Variants in TMEM163 observed in about 807,000 individuals in gnomAD.
The protein encoded by TMEM163 is transmembrane protein 163.
Under a neutral mutation model 29.3 loss-of-function variants are expected in TMEM163, and 17 were observed. That is an observed-to-expected ratio of 0.58 (90% CI 0.40 to 0.87). TMEM163 has a LOEUF of 0.87. TMEM163 is among the 40% of genes least tolerant of loss of function. The probability of loss-of-function intolerance (pLI) is 0.00; values close to 1 mark genes in which losing one functional copy is unlikely to be tolerated. For missense variants in TMEM163, 303 were observed against 381.5 expected (o/e 0.79, Z 1.71); for synonymous variants, 157 against 160.6 (o/e 0.98, Z 0.17).
intron 2 of TMEM163, among the ~76,000 whole-genome samples, chr2:134,599,992 C>A (rs1337953561): frequency 2.0e-5 from 3 of 152,080 alleles, no homozygotes; most frequent in African/African-American, 7.2e-5. Flanking sequence ...GAAAGTGTTA[C>A]CTAATCAATT....
At chr2:134,633,953 C>CAA (rs1381510445) in intron 2 of TMEM163, among the ~76,000 whole-genome samples, 25 of 97,334 alleles carry the variant, frequency 2.6e-4, no homozygotes, top group African/African-American at 8.4e-4. Flanking sequence ...GAAACTGTCT[C>CAA]AAAAAAAAAA....
intron 2 of TMEM163, among the ~76,000 whole-genome samples, chr2:134,697,044 G>C (rs1684598282): frequency 1.3e-5 from 2 of 152,204 alleles, no homozygotes; most frequent in Non-Finnish European, 2.9e-5. Flanking sequence ...CCAAAGTTCT[G>C]GGATTACAGG....
intron 4 of TMEM163, among the ~76,000 whole-genome samples, chr2:134,538,664 G>A (rs944335758): frequency 1.3e-5 from 2 of 152,202 alleles, no homozygotes; most frequent in African/African-American, 2.4e-5. Context: ...GCCACAGTGA[G>A]GGTGAAGCTG....
intron 4 of TMEM163, among the ~76,000 whole-genome samples, chr2:134,529,833 A>C (rs1257094611): frequency 6.6e-6 from 1 of 152,056 alleles, no homozygotes; most frequent in East Asian, 1.9e-4. Context: ...AATGTTATTT[A>C]GACTATATGT....
intron 2 of TMEM163, among the ~76,000 whole-genome samples, chr2:134,704,434 C>T (rs1684763556): frequency 6.6e-6 from 1 of 152,134 alleles, no homozygotes; most frequent in South Asian, 2.1e-4. Context: ...CTGGTCTGGT[C>T]CCCATGCTTC....
intron 4 of TMEM163, among the ~76,000 whole-genome samples, chr2:134,533,448 T>C (rs931078797): frequency 2.6e-5 from 4 of 152,230 alleles, no homozygotes; most frequent in Non-Finnish European, 5.9e-5. Context: ...ACCAAACTGT[T>C]CACTGTGATG....
chr2:134,511,536 C>A (rs1219956255), intron 4 of TMEM163, among the ~76,000 whole-genome samples: 1 of 152,128 alleles, frequency 6.6e-6, no homozygotes, highest in African/African-American at 2.4e-5. Flanking sequence ...GCGGGGAGAC[C>A]AGGAGAAGGC....
intron 4 of TMEM163, among the ~76,000 whole-genome samples, chr2:134,541,326 A>G (rs991511954): frequency 1.3e-5 from 2 of 152,274 alleles, no homozygotes; most frequent in African/African-American, 2.4e-5. Context: ...TGATAAAAAG[A>G]ATTATAACTC....
intron 2 of TMEM163, among the ~76,000 whole-genome samples, chr2:134,681,622 C>T (rs1000432245): frequency 2.6e-5 from 4 of 152,200 alleles, no homozygotes; most frequent in African/African-American, 9.6e-5. Flanking sequence ...ATAAGTCACA[C>T]AGGTTATCAT....
chr2:134,659,028 G>C (rs1683685459), intron 2 of TMEM163, among the ~76,000 whole-genome samples: 1 of 152,202 alleles, frequency 6.6e-6, no homozygotes, highest in African/African-American at 2.4e-5. Flanking sequence ...ACATCGCCGA[G>C]TGTACTTACA....
intron 2 of TMEM163, among the ~76,000 whole-genome samples, chr2:134,675,037 CT>C (rs1684085905): frequency 6.6e-6 from 1 of 152,186 alleles, no homozygotes; most frequent in Non-Finnish European, 1.5e-5. Flanking sequence ...GAGTAAATAT[CT>C]TTTTCATTTA....
intron 5 of TMEM163, among the ~76,000 whole-genome samples, chr2:134,502,272 A>G (rs1377883355): frequency 1.3e-5 from 2 of 152,164 alleles, no homozygotes; most frequent in Non-Finnish European, 2.9e-5. Flanking sequence ...ATCTCCTGGT[A>G]ACCACATCAG....
At chr2:134,684,342 G>A (rs1684309554) in intron 2 of TMEM163, among the ~76,000 whole-genome samples, 1 of 152,026 alleles carries the variant, frequency 6.6e-6, no homozygotes, top group Non-Finnish European at 1.5e-5. Flanking sequence ...ACCACCTACA[G>A]GCAAAATGAG....
intron 2 of TMEM163, among the ~76,000 whole-genome samples, chr2:134,700,424 G>T (rs903598623): frequency 3.3e-5 from 5 of 152,178 alleles, no homozygotes; most frequent in Admixed American, 2.6e-4. Context: ...TTCTGGATAA[G>T]CTCCTCTGAT....
intron 5 of TMEM163, among the ~76,000 whole-genome samples, chr2:134,492,044 A>G (rs891794110): frequency 6.6e-6 from 1 of 152,214 alleles, no homozygotes; most frequent in African/African-American, 2.4e-5. Flanking sequence ...CAACTGCATG[A>G]GATCGGCCGT....
At chr2:134,686,767 T>G (rs1305926470) in intron 2 of TMEM163, among the ~76,000 whole-genome samples, 2 of 152,342 alleles carry the variant, frequency 1.3e-5, no homozygotes, top group Non-Finnish European at 2.9e-5. Context: ...AACAAGTTAG[T>G]CAGCCAGTTT....
At chr2:134,703,609 T>C (rs1424311618) in intron 2 of TMEM163, among the ~76,000 whole-genome samples, 3 of 151,638 alleles carry the variant, frequency 2.0e-5, no homozygotes. Context: ...GGGCCAGGAG[T>C]ATAAAAGAGT....
Position 134,456,029 on chromosome 2 carries a change from A to G in TMEM163, c.*687T>C, listed in dbSNP as rs1221645740. On this transcript the variant is annotated 3_prime_UTR_variant, in exon 8 of 8. Coordinates refer to ENST00000281924, the MANE Select transcript of TMEM163 (RefSeq NM_030923.5). ...TATTACAAATAAACTGTAGTTTCAC[A>G]TCTCTCAAAAATGGACCCAGTTTTC... 4 of 152,730 alleles carry G rather than the reference A, an allele frequency of 2.6e-5. No individual in the cohort carries two copies. The highest frequency in any genetic ancestry group is 9.6e-5 in the African/African-American group (4 of 41,458). The allele number at this position is 152,730 out of a possible 1,614,324, so 9.5% of individuals were successfully genotyped here.
chr2:134,558,782 T>C (rs1026181777), intron 2 of TMEM163, among the ~76,000 whole-genome samples: 3 of 152,190 alleles, frequency 2.0e-5, no homozygotes, highest in Non-Finnish European at 4.4e-5. Flanking sequence ...TCCAAAGTCA[T>C]GCAACAATTA....
Sources: gnomAD v4.1 joint callset for allele counts (sites outside exome capture counted in the v4.1 genomes callset) on GRCh38, gnomAD v4.1.1 for gene constraint, MANE v1.5 for transcripts, NCBI Gene and HGNC (gene_info 2026-07-23, HGNC 2026-07-21) for gene names.